ATRNL1: variants seen among roughly 807,000 people sequenced by gnomAD.
ATRNL1 encodes the protein attractin-like protein 1.
Under a neutral mutation model 182.7 loss-of-function variants are expected in ATRNL1, and 95 were observed. The observed-to-expected ratio is 0.52, with a 90% CI of 0.44 to 0.62. ATRNL1 has a LOEUF of 0.62. Ranked by LOEUF, ATRNL1 falls within the 20% of genes least tolerant of loss-of-function variation. The probability of loss-of-function intolerance (pLI) is 0.00; values close to 1 mark genes in which losing one functional copy is unlikely to be tolerated. For synonymous variants in ATRNL1, 576 were observed against 568.3 expected (o/e 1.01, Z -0.19); for missense variants, 1,471 against 1,679.5 (o/e 0.88, Z 2.17).
At position 115,308,303 on chromosome 10, in the gene ATRNL1, T is replaced by A. The variant is rs11197153; in HGVS notation, c.2818+6260T>A. 3.0e-3 allele frequency among the ~76,000 whole-genome samples: 456 copies of A among 152,220 alleles called. 14 individuals carry two copies. In the East Asian group the frequency reaches 0.073, roughly 24 times the overall value. On this transcript the variant is annotated intron_variant, in intron 17 of 28. Transcript: ENST00000355044. ...TTTGGGTAGACAGATATTCTACTTGTGAAAATGAATTCCAGGGCAATGTTT... is the reference window on the plus strand; with the variant it reads ...TTTGGGTAGACAGATATTCTACTTGAGAAAATGAATTCCAGGGCAATGTTT...
chr10:115,518,478 T>C (rs1850749287), intron 24 of ATRNL1, among the ~76,000 whole-genome samples: 1 of 152,002 alleles, frequency 6.6e-6, no homozygotes, highest in South Asian at 2.1e-4. Flanking sequence ...AATGTTTATA[T>C]TGTAACTTTT....
chr10:115,441,771 G>T (rs1224611381), intron 21 of ATRNL1, among the ~76,000 whole-genome samples: 2 of 151,902 alleles, frequency 1.3e-5, no homozygotes, highest in Non-Finnish European at 2.9e-5. Flanking sequence ...TTCAGTAAAT[G>T]TACATAATGC....
chr10:115,837,591 A>G lies in ATRNL1; in HGVS notation c.3904-10286A>G, dbSNP rs141067109. Among the ~76,000 whole-genome samples the G allele has an allele frequency of 8.6e-4, 130 of 151,790 alleles. 1 individual carries two copies. The East Asian group carries it at 0.01, about 12-fold the overall frequency. The stretch of plus-strand genomic sequence containing the variant: ...CATAAAATATTTTTCTGTTTGCTGT[A>G]TAAGCAGAAAGGTTTGCATAGAATA... On this transcript the variant is annotated intron_variant, in intron 27 of 28. Transcript: ENST00000355044.
At chr10:115,635,875 C>G (rs1555027941) in intron 26 of ATRNL1, among the ~76,000 whole-genome samples, 1 of 152,062 alleles carries the variant, frequency 6.6e-6, no homozygotes, top group African/African-American at 2.4e-5. Context: ...GAAATAATGT[C>G]TACATATACA....
At chr10:115,290,624 C>A (rs556802380) in intron 15 of ATRNL1, among the ~76,000 whole-genome samples, 1 of 152,178 alleles carries the variant, frequency 6.6e-6, no homozygotes, top group East Asian at 1.9e-4. Context: ...CCATTGCACC[C>A]CAGCCTGGGT....
At chr10:115,466,484 G>A (rs1191378118) in intron 22 of ATRNL1, among the ~76,000 whole-genome samples, 3 of 151,244 alleles carry the variant, frequency 2.0e-5, no homozygotes, top group African/African-American at 4.8e-5. Flanking sequence ...ACGTCTTGGA[G>A]TAAGAAAATC....
chr10:115,361,077 A>C (rs1247278543), intron 19 of ATRNL1, among the ~76,000 whole-genome samples: 1 of 151,952 alleles, frequency 6.6e-6, no homozygotes, highest in East Asian at 1.9e-4. Context: ...TTTATCCTTT[A>C]CAATGAATGA....
At chr10:115,303,858 A>G (rs542169648) in intron 17 of ATRNL1, among the ~76,000 whole-genome samples, 1 of 152,110 alleles carries the variant, frequency 6.6e-6, no homozygotes, top group South Asian at 2.1e-4. Context: ...AGTCTGGTGT[A>G]TCTATTAAAC....
chr10:115,294,661 A>T (rs945307081), intron 15 of ATRNL1, among the ~76,000 whole-genome samples: 1 of 151,806 alleles, frequency 6.6e-6, no homozygotes, highest in Non-Finnish European at 1.5e-5. Flanking sequence ...TTGCTTTTTC[A>T]TGTTTGATGT....
chr10:115,707,553 T>C (rs1196507801), intron 26 of ATRNL1, among the ~76,000 whole-genome samples: 9 of 151,724 alleles, frequency 5.9e-5, no homozygotes, highest in Non-Finnish European at 1.3e-4. Flanking sequence ...CCAAATCTTA[T>C]TTGTATTTTA....
intron 9 of ATRNL1, among the ~76,000 whole-genome samples, chr10:115,227,853 G>A (rs1249491169): frequency 2.0e-5 from 3 of 152,012 alleles, no homozygotes; most frequent in Non-Finnish European, 4.4e-5. Flanking sequence ...AAAGAAAACA[G>A]TATATTCTTC....
At chr10:115,516,483 A>C (rs573043858) in intron 24 of ATRNL1, among the ~76,000 whole-genome samples, 5 of 151,956 alleles carry the variant, frequency 3.3e-5, no homozygotes, top group African/African-American at 1.2e-4. Context: ...CTCTTCTCTT[A>C]TCTTCTGGAT....
chr10:115,806,378 T>C (rs1949920331), intron 27 of ATRNL1, among the ~76,000 whole-genome samples: 1 of 152,184 alleles, frequency 6.6e-6, no homozygotes, highest in South Asian at 2.1e-4. Context: ...TTTAATTAAT[T>C]ACTATAGGAT....
chr10:115,283,806 A>C (rs1852482040), intron 14 of ATRNL1, among the ~76,000 whole-genome samples: 1 of 152,186 alleles, frequency 6.6e-6, no homozygotes, highest in Non-Finnish European at 1.5e-5. Flanking sequence ...AATGATAGTA[A>C]AGTTACTTTT....
chr10:115,710,437 T>G lies in ATRNL1; in HGVS notation c.3796-16811T>G, dbSNP rs528726127. 3.3e-5 allele frequency among the ~76,000 whole-genome samples: 5 copies of G among 152,256 alleles called. No homozygotes were observed. In the South Asian group the frequency reaches 1.0e-3, roughly 32 times the overall value. On this transcript the variant is annotated intron_variant, in intron 26 of 28. Coordinates refer to ENST00000355044, the MANE Select transcript of ATRNL1 (RefSeq NM_207303.4). ...TCATAATTGCGTGACCTGTGACACA[T>G]TGTCTTTGTCCCACTGGCAGGTTAC...
At chr10:115,845,138 A>T (rs1950898109) in intron 27 of ATRNL1, among the ~76,000 whole-genome samples, 1 of 152,108 alleles carries the variant, frequency 6.6e-6, no homozygotes, top group South Asian at 2.1e-4. Context: ...AATATTTTAA[A>T]CAGAATGAAT....
At chr10:115,498,604 C>G (rs2133620683) in intron 24 of ATRNL1, among the ~76,000 whole-genome samples, 1 of 151,824 alleles carries the variant, frequency 6.6e-6, no homozygotes, top group South Asian at 2.1e-4. Flanking sequence ...TTTCATTAGT[C>G]TAACAGTGAA....
In ATRNL1 at chr10:115,156,139, G is replaced by T. The variant is rs577623700; in HGVS notation, c.830-3901G>T. On this transcript the variant is annotated intron_variant, in intron 5 of 28. Coordinates refer to ENST00000355044, the MANE Select transcript of ATRNL1 (RefSeq NM_207303.4). ...GAACAGGGACAGCAAGACTGATAAC[G>T]TGCGATGCTGAGGTACATCTACTTA... 5.9e-5 allele frequency among the ~76,000 whole-genome samples: 9 copies of T among 152,210 alleles called. No homozygotes were observed. In the South Asian group the frequency reaches 1.9e-3, roughly 32 times the overall value.
intron 26 of ATRNL1, among the ~76,000 whole-genome samples, chr10:115,589,371 A>T (rs745552551): frequency 6.6e-6 from 1 of 152,170 alleles, no homozygotes; most frequent in Non-Finnish European, 1.5e-5. Flanking sequence ...CAGTATGGAA[A>T]ATATTATATT....
Sources: allele counts gnomAD v4.1 joint callset (sites outside exome capture counted in the v4.1 genomes callset), GRCh38; gene constraint gnomAD v4.1.1; transcripts MANE v1.5; gene names NCBI Gene and HGNC (gene_info 2026-07-23, HGNC 2026-07-21).